Variants in GTF3C2 observed in about 807,000 individuals in gnomAD.
The protein encoded by GTF3C2 is general transcription factor 3C polypeptide 2.
GTF3C2 carries 17 observed loss-of-function variants against 117.4 expected under a neutral mutation model. That is an observed-to-expected ratio of 0.14 (90% CI 0.10 to 0.22). GTF3C2 has a LOEUF of 0.22. Among genes scored for constraint, GTF3C2 ranks in the 10% least tolerant of loss-of-function variants. GTF3C2 has a pLI of 1.00. For synonymous variants in GTF3C2, 437 were observed against 427.0 expected, an observed-to-expected ratio of 1.02 and a Z score of -0.29; for missense variants, 888 against 1,143.6, an observed-to-expected ratio of 0.78 and a Z score of 3.22.
chr2:27,328,743 A>G, intron 15 of GTF3C2, 101 bp downstream of exon 15: 1 of 1,065,122 alleles, frequency 9.4e-7, no homozygotes, highest in Non-Finnish European at 1.4e-6. Context: ...CAACATCCCT[A>G]TCTTCTCCTT....
intron 1 of GTF3C2, among the ~76,000 whole-genome samples, chr2:27,350,945 T>C (rs1193270961): frequency 2.3e-5 from 3 of 130,144 alleles, no homozygotes; most frequent in Non-Finnish European, 3.2e-5. Flanking sequence ...CAAGACTCCA[T>C]CTCAAAAAAA....
chr2:27,336,206 T>C (rs1680470889), exon 8 of GTF3C2: 1 of 1,612,924 alleles, frequency 6.2e-7, no homozygotes, highest in African/African-American at 1.3e-5. Context: ...ACCAGCTTTC[T>C]TGCTGCAAGG....
At chr2:27,342,086 C>A in exon 4 of GTF3C2, 1 of 1,614,160 alleles carries the variant, frequency 6.2e-7, no homozygotes, top group Non-Finnish European at 8.5e-7. Context: ...GAGCACCATC[C>A]ACCTCTTCTC....
At chr2:27,341,387 T>C (rs1009328443) in intron 4 of GTF3C2, 1 of 153,088 alleles carries the variant, frequency 6.5e-6, no homozygotes, top group African/African-American at 2.4e-5. Context: ...GTTATATACA[T>C]TTTACCACCA....
chr2:27,355,291 G>A (rs1276805617), intron 1 of GTF3C2, among the ~76,000 whole-genome samples: 2 of 152,158 alleles, frequency 1.3e-5, no homozygotes, highest in Admixed American at 6.5e-5. Flanking sequence ...AGGAGGCCGA[G>A]GTGGGCGGAT....
chr2:27,335,637 G>C, exon 10 of GTF3C2: 1 of 1,558,744 alleles, frequency 6.4e-7, no homozygotes, highest in Non-Finnish European at 8.7e-7. Context: ...GGATGGGGTA[G>C]ACTGAATAGC....
chr2:27,350,337 C>T, intron 1 of GTF3C2: 1 of 862,164 alleles, frequency 1.2e-6, no homozygotes, highest in Non-Finnish European at 1.4e-6. Flanking sequence ...CTGGATGGGG[C>T]CAGCACCTTG....
chr2:27,349,601 C>T (rs999401484), intron 1 of GTF3C2, among the ~76,000 whole-genome samples: 1 of 150,666 alleles, frequency 6.6e-6, no homozygotes, highest in Non-Finnish European at 1.5e-5. Context: ...ATAGTAAAGT[C>T]GAATTTAGGG....
At chr2:27,331,754 C>T (rs1002174390) in intron 12 of GTF3C2, among the ~76,000 whole-genome samples, 2 of 152,050 alleles carry the variant, frequency 1.3e-5, no homozygotes, top group Non-Finnish European at 2.9e-5. Flanking sequence ...GCCTGGGCAA[C>T]ATGGCGAAAC....
intron 1 of GTF3C2, among the ~76,000 whole-genome samples, chr2:27,352,237 T>C (rs1681164116): frequency 6.6e-6 from 1 of 152,224 alleles, no homozygotes; most frequent in Non-Finnish European, 1.5e-5. Flanking sequence ...CCAACTCTTT[T>C]ATGTGTGAAT....
chr2:27,333,620 C>A (rs780804841), intron 12 of GTF3C2, 35 bp downstream of exon 12: 1 of 1,487,192 alleles, frequency 6.7e-7, no homozygotes, highest in Non-Finnish European at 9.3e-7. Flanking sequence ...ATTTAAAGAG[C>A]AATAGTTCCT....
At chr2:27,339,922 G>C (rs569899274) in intron 4 of GTF3C2, 1 of 150,520 alleles carries the variant, frequency 6.6e-6, no homozygotes, top group South Asian at 2.1e-4. Context: ...AGGAGGCAGA[G>C]GTTGCAGTGA....
intron 6 of GTF3C2, 45 bp downstream of exon 6, chr2:27,337,436 G>A: frequency 6.8e-7 from 1 of 1,477,772 alleles, no homozygotes; most frequent in Non-Finnish European, 9.5e-7. Context: ...TTCGTCTCCA[G>A]TGGTGTCACC....
chr2:27,336,962 C>T (rs573961759), intron 7 of GTF3C2, among the ~76,000 whole-genome samples: 2 of 152,304 alleles, frequency 1.3e-5, no homozygotes, highest in East Asian at 3.9e-4. Context: ...TTCTGGCATA[C>T]TATAGTAGTC....
intron 12 of GTF3C2, among the ~76,000 whole-genome samples, chr2:27,332,993 T>C (rs1055418721): frequency 1.3e-5 from 2 of 150,470 alleles, no homozygotes; most frequent in African/African-American, 4.9e-5. Flanking sequence ...GGATTACAGG[T>C]GTGAGCCACT....
intron 1 of GTF3C2, among the ~76,000 whole-genome samples, chr2:27,351,627 G>A (rs560815483): frequency 2.3e-4 from 35 of 152,248 alleles, no homozygotes; most frequent in Admixed American, 7.2e-4. Flanking sequence ...ATGCCTCCTA[G>A]TCTGCCTTTC....
chr2:27,328,645 A>G (rs746188324), intron 15 of GTF3C2, 49 bp from the exon 16 acceptor site: 8 of 1,494,712 alleles, frequency 5.4e-6, no homozygotes. Flanking sequence ...ATTCAGAGCT[A>G]TGAACTGGTA....
In GTF3C2 at chr2:27,338,419, C is replaced by A. The variant is rs1558617547; in HGVS notation, c.856-399G>T. Among the ~76,000 whole-genome samples, 9 of 152,124 alleles carry A rather than the reference C, an allele frequency of 5.9e-5. No homozygotes were observed. The South Asian group carries it at 1.7e-3, about 28-fold the overall frequency. On this transcript the variant is annotated intron_variant, in intron 4 of 18. Transcript: ENST00000264720. ...TGATGGTATTCCCCAGAGTTCCTGT[C>A]GTCTTCTCGCCCCTCTACACAGGCG...
At chr2:27,340,615 TAACTGA>T (rs1680693701) in intron 4 of GTF3C2, 1 of 150,972 alleles carries the variant, frequency 6.6e-6, no homozygotes, top group Admixed American at 6.7e-5. Flanking sequence ...CTTACCTGGA[TAACTGA>T]AACTGTCTTT....
Sources: gnomAD v4.1 joint callset for allele counts (sites outside exome capture counted in the v4.1 genomes callset) on GRCh38, gnomAD v4.1.1 for gene constraint, MANE v1.5 for transcripts, NCBI Gene and HGNC (gene_info 2026-07-23, HGNC 2026-07-21) for gene names.